SLC9C1: variants seen among roughly 807,000 people sequenced by gnomAD.
SLC9C1 encodes the protein sodium/hydrogen exchanger 10.
SLC9C1 carries 97 observed loss-of-function variants against 140.9 expected under a neutral mutation model. The ratio of observed to expected loss-of-function variants is 0.69; its 90% CI spans 0.58 to 0.82. The LOEUF is 0.82. Among genes scored for constraint, SLC9C1 ranks in the 40% least tolerant of loss-of-function variants. The pLI, the probability that SLC9C1 is intolerant of heterozygous loss-of-function variation, is 0.00. For synonymous variants in SLC9C1, 440 were observed against 442.6 expected (o/e 0.99, Z 0.07); for missense variants, 1,340 against 1,389.3 (o/e 0.96, Z 0.56).
At chr3:112,286,595 T>C (rs1455009923) in intron 2 of SLC9C1, 109 bp downstream of exon 2, 3 of 927,310 alleles carry the variant, frequency 3.2e-6, no homozygotes, top group African/African-American at 1.7e-5. Context: ...AGGTATAAGT[T>C]TGAGAACAAA....
intron 11 of SLC9C1, among the ~76,000 whole-genome samples, chr3:112,240,823 C>T (rs2079119256): frequency 6.6e-6 from 1 of 152,194 alleles, no homozygotes; most frequent in South Asian, 2.1e-4. Context: ...AAATTTAGCA[C>T]CTGTTGTGTT....
chr3:112,277,978 A>C, intron 4 of SLC9C1, 118 bp from the exon 5 acceptor site: 1 of 776,316 alleles, frequency 1.3e-6, no homozygotes, highest in Non-Finnish European at 1.9e-6. Context: ...ACCCACCAGC[A>C]GACACAGGAG....
chr3:112,186,450 A>G (rs1438747352), intron 20 of SLC9C1, among the ~76,000 whole-genome samples: 1 of 152,214 alleles, frequency 6.6e-6, no homozygotes, highest in East Asian at 1.9e-4. Context: ...AAAAACAATT[A>G]AAACAAAATT....
In SLC9C1 at chr3:112,154,982, C is replaced by T; in HGVS notation, c.3417+15G>A. On this transcript the variant is annotated intron_variant, in intron 27 of 28. Coordinates refer to ENST00000305815, the MANE Select transcript of SLC9C1 (RefSeq NM_183061.3). Reference sequence around the variant, plus strand: ...ACCCAAAATACAACTTTTAGAAAGGCTGCTTTAAATTTACCTCCTTAACAT... The same window carrying T: ...ACCCAAAATACAACTTTTAGAAAGGTTGCTTTAAATTTACCTCCTTAACAT... The T allele has an allele frequency of 6.2e-7, 1 of 1,608,126 alleles. No homozygotes were observed. The highest frequency in any genetic ancestry group is 1.7e-5 in the Admixed American group (1 of 59,310).
chr3:112,141,701 T>G (rs1173364967), intron 28 of SLC9C1, among the ~76,000 whole-genome samples: 1 of 152,192 alleles, frequency 6.6e-6, no homozygotes, highest in African/African-American at 2.4e-5. Flanking sequence ...TTTCACATAA[T>G]TTATATTTCA....
intron 20 of SLC9C1, among the ~76,000 whole-genome samples, chr3:112,191,777 T>C (rs2077665936): frequency 6.6e-6 from 1 of 152,064 alleles, no homozygotes; most frequent in South Asian, 2.1e-4. Flanking sequence ...CATCTGGAAG[T>C]TTTTCTTTCT....
chr3:112,222,506 A>T (rs1211703241), intron 13 of SLC9C1, among the ~76,000 whole-genome samples: 1 of 152,174 alleles, frequency 6.6e-6, no homozygotes, highest in Non-Finnish European at 1.5e-5. Flanking sequence ...GAGGCAATAA[A>T]TCAAAAAGGT....
intron 20 of SLC9C1, among the ~76,000 whole-genome samples, chr3:112,191,980 T>G (rs1276186578): frequency 1.3e-5 from 2 of 152,130 alleles, no homozygotes; most frequent in Non-Finnish European, 2.9e-5. Flanking sequence ...TATTCTATTC[T>G]AATTCTTCAC....
intron 1 of SLC9C1, among the ~76,000 whole-genome samples, chr3:112,289,297 A>G (rs1300674450): frequency 1.3e-5 from 2 of 152,230 alleles, no homozygotes; most frequent in Non-Finnish European, 2.9e-5. Context: ...TGTTAGAAAT[A>G]ACCTATTAGA....
chr3:112,205,062 C>A (rs1270747257), intron 16 of SLC9C1, among the ~76,000 whole-genome samples: 1 of 151,940 alleles, frequency 6.6e-6, no homozygotes, highest in East Asian at 1.9e-4. Context: ...GGCAATCAGG[C>A]AGGAGAAGGA....
intron 2 of SLC9C1, among the ~76,000 whole-genome samples, chr3:112,284,040 G>A (rs2080434764): frequency 1.3e-5 from 2 of 152,222 alleles, no homozygotes; most frequent in South Asian, 4.1e-4. Context: ...AATCAAAAGA[G>A]GTAACTGGTT....
chr3:112,198,910 C>T (rs1417069971), intron 20 of SLC9C1, among the ~76,000 whole-genome samples: 1 of 151,798 alleles, frequency 6.6e-6, no homozygotes, highest in Non-Finnish European at 1.5e-5. Context: ...GTCATAGTAC[C>T]ATTTATGTAA....
chr3:112,244,182 G>T (rs181435719), intron 10 of SLC9C1, 106 bp from the exon 11 acceptor site: 24 of 627,900 alleles, frequency 3.8e-5, no homozygotes, highest in East Asian at 3.6e-4. Context: ...ATTAAGCTAG[G>T]TTGTACTGTG....
chr3:112,185,717 C>T (rs2077523226), intron 20 of SLC9C1: 2 of 1,540,234 alleles, frequency 1.3e-6, no homozygotes, highest in East Asian at 2.4e-5. Flanking sequence ...GCTCCTCGGA[C>T]ACGGCGGCCT....
intron 11 of SLC9C1, among the ~76,000 whole-genome samples, 197 bp downstream of exon 11, chr3:112,243,798 C>T (rs1033499699): frequency 6.6e-6 from 1 of 151,858 alleles, no homozygotes; most frequent in African/African-American, 2.4e-5. Flanking sequence ...TCCAGCGATC[C>T]TCCCCAATCA....
chr3:112,244,085 G>A lies in SLC9C1; in HGVS notation c.1198-9C>T, dbSNP rs758531253. 7.2e-6 allele frequency: 11 copies of A among 1,532,138 alleles called. No homozygotes were observed. In the Admixed American group the frequency reaches 1.5e-4, roughly 21 times the overall value. The allele number at this position is 1,532,138 out of a possible 1,614,324, so 94.9% of individuals were successfully genotyped here. ...ACTCCATGAAATAATATCTAGAATT[G>A]AAAAAAATACAAAGTAAGTATTCAT... On this transcript the variant is annotated splice_polypyrimidine_tract_variant and intron_variant, in intron 10 of 28. Transcript: ENST00000305815.
rs149114403 is a variant in SLC9C1 at position 112,255,789 on chromosome 3, C to T, written c.1197+7135G>A. ...AAATCATTCAAAAGATCAATGGATG[C>T]GGTGGTTCTTTTTATTTATGAAAAA... On this transcript the variant is annotated intron_variant, in intron 10 of 28. Coordinates refer to ENST00000305815, the MANE Select transcript of SLC9C1 (RefSeq NM_183061.3). 1.7e-3 allele frequency among the ~76,000 whole-genome samples: 257 copies of T among 151,958 alleles called. 3 individuals carry two copies. The highest frequency in any genetic ancestry group is 0.013 in the East Asian group (68 of 5,174).
At chr3:112,231,981 T>C (rs1266982959) in intron 12 of SLC9C1, among the ~76,000 whole-genome samples, 1 of 152,062 alleles carries the variant, frequency 6.6e-6, no homozygotes, top group Non-Finnish European at 1.5e-5. Context: ...TAATGTAAAA[T>C]AGAAAGTGAA....
chr3:112,169,000 A>T lies in SLC9C1; in HGVS notation c.3114T>A (p.Ser1038Arg), dbSNP rs774583058. Residue 1038 changes from serine to arginine, a missense_variant, in exon 25 of 29, where the codon AGT (serine) becomes AGA (arginine). Physicochemically the swap from Ser to Arg is moderately radical, Grantham distance 110 (BLOSUM62 -1). Transcript: ENST00000305815. The part of the protein sequence containing the change: ...SNIYVVDIPM[S>R]TKTDIYDENL... ...TTTCATCATAAATATCAGTTTTGGTACTCATTGGTATATCTACTACATAAA... is the reference window on the plus strand; with the variant it reads ...TTTCATCATAAATATCAGTTTTGGTTCTCATTGGTATATCTACTACATAAA... The T allele has an allele frequency of 7.4e-6, 12 of 1,611,136 alleles. No individual in the cohort carries two copies. In the Admixed American group the frequency reaches 1.2e-4, roughly 16 times the overall value.
Sources: allele counts gnomAD v4.1 joint callset (sites outside exome capture counted in the v4.1 genomes callset), GRCh38; gene constraint gnomAD v4.1.1; transcripts MANE v1.5; gene names NCBI Gene and HGNC (gene_info 2026-07-23, HGNC 2026-07-21).